SORCS1: variants seen among roughly 807,000 people sequenced by gnomAD.
SORCS1 encodes the protein VPS10 domain-containing receptor SorCS1.
Under a neutral mutation model 146.1 loss-of-function variants are expected in SORCS1, and 60 were observed. The ratio of observed to expected loss-of-function variants is 0.41; its 90% CI spans 0.33 to 0.51. The LOEUF (loss-of-function observed/expected upper bound fraction) is 0.51, where lower values mean the gene tolerates loss of function less well. Among genes scored for constraint, SORCS1 ranks in the 20% least tolerant of loss-of-function variants. The pLI is 0.21. For synonymous variants in SORCS1, 637 were observed against 584.0 expected (o/e 1.09, Z -1.31); for missense variants, 1,352 against 1,487.6 (o/e 0.91, Z 1.50).
intron 2 of SORCS1, among the ~76,000 whole-genome samples, chr10:106,953,180 C>T (rs960485828): frequency 5.5e-5 from 8 of 145,632 alleles, no homozygotes; most frequent in African/African-American, 1.3e-4. Flanking sequence ...TGTGTGCATG[C>T]GTGTGTGTAT....
chr10:106,929,684 G>C lies in SORCS1; in HGVS notation c.626+26829C>G, dbSNP rs992512684. On this transcript the variant is annotated intron_variant, in intron 2 of 25. Coordinates refer to ENST00000263054, the MANE Select transcript of SORCS1 (RefSeq NM_052918.5). Reference sequence around the variant, plus strand: ...TCAAACTTCGTCAACTTAAGCTGCTGTTCCTGGCTGAATTTTGGAGTAGTC... The same window carrying C: ...TCAAACTTCGTCAACTTAAGCTGCTCTTCCTGGCTGAATTTTGGAGTAGTC... Among the ~76,000 whole-genome samples the C allele has an allele frequency of 3.3e-5, 5 of 152,222 alleles. No individual in the cohort carries two copies. The South Asian group carries it at 1.0e-3, about 32-fold the overall frequency.
chr10:106,810,788 C>A (rs1010536334), intron 3 of SORCS1, among the ~76,000 whole-genome samples: 102 of 152,306 alleles, frequency 6.7e-4, no homozygotes, highest in African/African-American at 2.3e-3. Context: ...TGTGGCTACC[C>A]ATTTCCTTAA....
intron 2 of SORCS1, among the ~76,000 whole-genome samples, chr10:106,894,270 C>CGCGT: frequency 1.4e-5 from 2 of 141,552 alleles, no homozygotes; most frequent in Middle Eastern, 7.2e-3. Flanking sequence ...CGCACGTGTG[C>CGCGT]GTGTGTGTGT....
intron 8 of SORCS1, 64 bp downstream of exon 8, chr10:106,706,481 G>A (rs112844313): frequency 2.7e-6 from 4 of 1,479,536 alleles, no homozygotes; most frequent in Non-Finnish European, 3.8e-6. Flanking sequence ...TTGGGAAAGG[G>A]ATGGAGGCTG....
chr10:106,746,958 T>A (rs138298618), intron 5 of SORCS1, among the ~76,000 whole-genome samples: 198 of 152,340 alleles, frequency 1.3e-3, no homozygotes, highest in African/African-American at 4.6e-3. Context: ...GCAGAAGCTA[T>A]CCCAAGTGCA....
At position 106,592,761 on chromosome 10, in the gene SORCS1, C is replaced by CCT. The variant is rs572099532; in HGVS notation, c.3265+4588_3265+4589dup. ...ATGTGGAAGTTCTACATCTAATACT[C>CCT]CTCCCCACTGTTTCTCTTTTTTTTT... On this transcript the variant is annotated intron_variant, in intron 24 of 25. Transcript: ENST00000263054. Among the ~76,000 whole-genome samples, 10 of 151,720 alleles carry CCT rather than the reference C, an allele frequency of 6.6e-5. No individual in the cohort carries two copies. In the East Asian group the frequency reaches 1.7e-3, roughly 26 times the overall value.
Position 106,751,058 on chromosome 10 carries a change from C to CAAAAAAAAAAAAAAAAAA in SORCS1, c.959+10512_959+10529dup, listed in dbSNP as rs35691571. 3.6e-4 allele frequency among the ~76,000 whole-genome samples: 8 copies of CAAAAAAAAAAAAAAAAAA among 22,444 alleles called. 1 individual carries two copies. The highest frequency in any genetic ancestry group is 8.9e-4 in the African/African-American group (7 of 7,878). 14.7% of individuals were successfully genotyped at this position (22,444 alleles called of 152,430 possible). A position where few individuals can be genotyped will look rare whatever the true frequency, so the allele number is the denominator to read the frequency against. On this transcript the variant is annotated intron_variant, in intron 5 of 25. Transcript: ENST00000263054. Reference sequence around the variant, plus strand: ...TGGGCGACAGGGTGAGACTCCGTCTCAAAAAAAAAAAAAAAAAAAAAAAAA... The same window carrying CAAAAAAAAAAAAAAAAAA: ...TGGGCGACAGGGTGAGACTCCGTCTCAAAAAAAAAAAAAAAAAAAAAAAAAAAAAAAAAAAAAAAAAAA...
chr10:106,590,766 T>G (rs903559002), intron 24 of SORCS1, among the ~76,000 whole-genome samples: 41 of 152,230 alleles, frequency 2.7e-4, no homozygotes, highest in African/African-American at 9.2e-4. Context: ...GTGAATCTTG[T>G]GCCTCAGCCT....
chr10:107,141,473 AAGGTAGT>A (rs777367039), intron 1 of SORCS1, among the ~76,000 whole-genome samples: 82 of 149,928 alleles, frequency 5.5e-4, no homozygotes, highest in Middle Eastern at 3.4e-3. Context: ...ATTTTTCAAA[AAGGTAGT>A]AGTTATGTAA....
intron 1 of SORCS1, among the ~76,000 whole-genome samples, chr10:106,981,626 A>AG (rs1490902216): frequency 6.6e-6 from 1 of 152,202 alleles, no homozygotes; most frequent in Non-Finnish European, 1.5e-5. Context: ...ATAATCTCAG[A>AG]GGACTCAAAA....
intron 5 of SORCS1, among the ~76,000 whole-genome samples, chr10:106,735,263 C>A (rs1589765915): frequency 6.6e-6 from 1 of 151,854 alleles, no homozygotes; most frequent in African/African-American, 2.4e-5. Flanking sequence ...GCTCAGAGAT[C>A]AATTATATGA....
chr10:106,895,754 G>A (rs1467827823), intron 2 of SORCS1, among the ~76,000 whole-genome samples: 1 of 152,110 alleles, frequency 6.6e-6, no homozygotes, highest in Non-Finnish European at 1.5e-5. Flanking sequence ...AAATAGAATT[G>A]CCATTTGATC....
chr10:107,143,068 C>T (rs1275740968), intron 1 of SORCS1, among the ~76,000 whole-genome samples: 2 of 152,114 alleles, frequency 1.3e-5, no homozygotes, highest in Non-Finnish European at 1.5e-5. Flanking sequence ...ACTGGCCCTG[C>T]CCTCTATAGT....
intron 23 of SORCS1, among the ~76,000 whole-genome samples, chr10:106,605,986 C>G (rs1364959759): frequency 1.3e-5 from 2 of 152,082 alleles, no homozygotes; most frequent in Non-Finnish European, 2.9e-5. Flanking sequence ...CAGAAAATCT[C>G]CAAGTACTGG....
intron 1 of SORCS1, among the ~76,000 whole-genome samples, chr10:106,970,933 A>G (rs1203343464): frequency 2.5e-5 from 3 of 117,958 alleles, no homozygotes; most frequent in African/African-American, 9.4e-5. Context: ...TTTTTTCAGT[A>G]GAGATGGGGT....
chr10:106,626,091 C>CT (rs1018683681), intron 19 of SORCS1, among the ~76,000 whole-genome samples: 117 of 151,380 alleles, frequency 7.7e-4, no homozygotes, highest in East Asian at 5.8e-4. Context: ...GCAAACCCAT[C>CT]TTTTTTTTTC....
intron 7 of SORCS1, 46 bp downstream of exon 7, chr10:106,709,177 A>G (rs368496659): frequency 9.5e-5 from 138 of 1,454,672 alleles, no homozygotes; most frequent in Middle Eastern, 1.7e-4. Flanking sequence ...AGAAACAAGG[A>G]AAAGAAAGGT....
At chr10:107,039,935 C>T (rs1369615985) in intron 1 of SORCS1, among the ~76,000 whole-genome samples, 1 of 152,076 alleles carries the variant, frequency 6.6e-6, no homozygotes, top group Non-Finnish European at 1.5e-5. Context: ...CATAGTGAGG[C>T]CCCATTTCTA....
Position 106,652,546 on chromosome 10 carries a change from T to A in SORCS1, c.2311A>T (p.Lys771Ter). ...TCAGTGCAATTATTGGAAACCACCTTCCTGTACCTAAATGGAAAAAAGCTC... is the reference window on the plus strand; with the variant it reads ...TCAGTGCAATTATTGGAAACCACCTACCTGTACCTAAATGGAAAAAAGCTC... ...QSYLNSTGYRKVVSNNCTDGV... is the reference protein window; with the variant it reads ...QSYLNSTGYR Residue 771 changes from lysine (K) to a stop codon, truncating the protein, a stop_gained, in exon 18 of 26, where the codon AAG becomes TAG. Transcript: ENST00000263054. LOFTEE classifies it high-confidence loss of function. 2 of 1,612,570 alleles carry A rather than the reference T, an allele frequency of 1.2e-6. No homozygotes were observed. The highest frequency in any genetic ancestry group is 1.7e-6 in the Non-Finnish European group (2 of 1,178,854).
Sources: gnomAD v4.1 joint callset for allele counts (sites outside exome capture counted in the v4.1 genomes callset) on GRCh38, gnomAD v4.1.1 for gene constraint, MANE v1.5 for transcripts, NCBI Gene and HGNC (gene_info 2026-07-23, HGNC 2026-07-21) for gene names.